The following ABCC1 variants were observed in gnomAD, a reference collection of about 807,000 sequenced individuals.
ABCC1 encodes the protein ATP binding cassette subfamily C member 1 (ABCC1 blood group).
In ABCC1, 83 loss-of-function variants were observed where a neutral mutation model predicts 172.9. The ratio of observed to expected loss-of-function variants is 0.48; its 90% CI spans 0.40 to 0.58. ABCC1 has a LOEUF of 0.58. Among genes scored for constraint, ABCC1 ranks in the 20% least tolerant of loss-of-function variants. The probability of loss-of-function intolerance (pLI) is 0.00; values close to 1 mark genes in which losing one functional copy is unlikely to be tolerated. For missense variants in ABCC1, 1,817 were observed against 2,002.7 expected, an observed-to-expected ratio of 0.91 and a Z score of 1.77; for synonymous variants, 937 against 825.2, an observed-to-expected ratio of 1.14 and a Z score of -2.32.
rs367865188 is a variant in ABCC1 at position 16,114,833 on chromosome 16, C to T, written c.3147C>T (p.His1049=). ...IGGILASRCL[H]VDLLHSILRS... ...GGATCTTGGCTTCCCGCTGTCTGCA[C>T]GTGGACCTGCTGCACAGCATCCTGC... The change falls in exon 23 of 31, where the codon CAC becomes CAT. Residue 1049 remains histidine (H), a synonymous_variant. Coordinates refer to ENST00000399410, the MANE Select transcript of ABCC1 (RefSeq NM_004996.4). The T allele has an allele frequency of 2.4e-5, 38 of 1,612,748 alleles. No individual in the cohort carries two copies. In the African/African-American group the frequency reaches 2.7e-4, roughly 11 times the overall value.
At chr16:15,994,308 T>C (rs2046976767) in intron 1 of ABCC1, among the ~76,000 whole-genome samples, 1 of 152,164 alleles carries the variant, frequency 6.6e-6, no homozygotes, top group South Asian at 2.1e-4. Context: ...TGTCAGACTC[T>C]CAGTGGGTTC....
chr16:16,106,552 T>G (rs2052119669), intron 20 of ABCC1, 186 bp from the exon 21 acceptor site: 1 of 624,394 alleles, frequency 1.6e-6, no homozygotes, highest in Non-Finnish European at 2.6e-6. Context: ...TGGGTACCTA[T>G]AAACCTGGAG....
intron 2 of ABCC1, among the ~76,000 whole-genome samples, chr16:16,009,145 G>C (rs1056782150): frequency 1.3e-5 from 2 of 151,828 alleles, no homozygotes; most frequent in Non-Finnish European, 2.9e-5. Flanking sequence ...TTTTTGTAGA[G>C]ACAGGGTCTC....
At chr16:16,051,108 A>G (rs916697556) in intron 10 of ABCC1, among the ~76,000 whole-genome samples, 20 of 151,400 alleles carry the variant, frequency 1.3e-4, no homozygotes, top group African/African-American at 4.8e-4. Flanking sequence ...AGCACTGTTG[A>G]CACTTGGGGC....
intron 22 of ABCC1, among the ~76,000 whole-genome samples, chr16:16,114,364 G>C (rs1386176905): frequency 6.6e-6 from 1 of 151,076 alleles, no homozygotes; most frequent in Non-Finnish European, 1.5e-5. Flanking sequence ...TTTTGAGACG[G>C]AGTCTCATTC....
chr16:16,133,174 CT>C (rs1284393179), intron 27 of ABCC1, among the ~76,000 whole-genome samples: 2 of 152,164 alleles, frequency 1.3e-5, no homozygotes, highest in Non-Finnish European at 2.9e-5. Context: ...GAGTGATACC[CT>C]TAGACTTTCC....
At chr16:16,082,402 G>A (rs571932066) in intron 16 of ABCC1, among the ~76,000 whole-genome samples, 1 of 152,246 alleles carries the variant, frequency 6.6e-6, no homozygotes, top group South Asian at 2.1e-4. Context: ...TAGCAACATG[G>A]CAAGATTTTG....
chr16:15,969,081 A>G (rs6498591), intron 1 of ABCC1, among the ~76,000 whole-genome samples: 8,002 of 152,022 alleles, frequency 0.053, 708 homozygotes, highest in African/African-American at 0.18. Flanking sequence ...GCGCTTGCCT[A>G]TAATCCCAGC....
At chr16:16,084,703 C>T (rs2050942463) in intron 17 of ABCC1, among the ~76,000 whole-genome samples, 1 of 150,862 alleles carries the variant, frequency 6.6e-6, no homozygotes, top group Non-Finnish European at 1.5e-5. Flanking sequence ...TTGGTTCAAC[C>T]TCTGCCTCCT....
At chr16:16,022,958 C>G (rs2048244088) in intron 5 of ABCC1, among the ~76,000 whole-genome samples, 1 of 152,172 alleles carries the variant, frequency 6.6e-6, no homozygotes, top group Admixed American at 6.5e-5. Flanking sequence ...GTCTCGCAGA[C>G]TAGAGTGCAG....
At chr16:15,958,346 A>G (rs1200468711) in intron 1 of ABCC1, among the ~76,000 whole-genome samples, 2 of 151,276 alleles carry the variant, frequency 1.3e-5, no homozygotes. Flanking sequence ...ACTCAAGTGG[A>G]TCACTTGAGT....
chr16:16,003,853 G>A (rs1359231199), intron 1 of ABCC1, among the ~76,000 whole-genome samples: 1 of 140,190 alleles, frequency 7.1e-6, no homozygotes, highest in Non-Finnish European at 1.5e-5. Context: ...TGGGTGAATT[G>A]GTGAATGGGT....
chr16:16,045,736 C>T, intron 8 of ABCC1, 100 bp from the exon 9 acceptor site: 2 of 1,164,528 alleles, frequency 1.7e-6, no homozygotes, highest in South Asian at 1.5e-5. Context: ...GTGTCTAGCT[C>T]ATCTGGCTCA....
chr16:16,081,916 G>A (rs1031514407), intron 16 of ABCC1, among the ~76,000 whole-genome samples: 42 of 152,126 alleles, frequency 2.8e-4, no homozygotes, highest in African/African-American at 8.7e-4. Context: ...CTACTCAGGA[G>A]GCTGAGGAAG....
At chr16:16,056,005 A>G (rs2151914246) in intron 11 of ABCC1, 87 bp from the exon 12 acceptor site, 1 of 1,185,518 alleles carries the variant, frequency 8.4e-7, no homozygotes, top group Middle Eastern at 2.0e-4. Flanking sequence ...TATATAATAA[A>G]GTTTATGAGA....
At chr16:16,126,367 TTC>T (rs1372922298) in intron 26 of ABCC1, among the ~76,000 whole-genome samples, 2 of 152,108 alleles carry the variant, frequency 1.3e-5, no homozygotes, top group Non-Finnish European at 2.9e-5. Flanking sequence ...AGAAATAACC[TTC>T]TGTTATTTGT....
chr16:16,139,279 A>C (rs1321986368), intron 30 of ABCC1, among the ~76,000 whole-genome samples: 1 of 152,012 alleles, frequency 6.6e-6, no homozygotes, highest in African/African-American at 2.4e-5. Flanking sequence ...CTGCAGGCCC[A>C]GTGCGTGGGG....
chr16:16,079,388 C>T lies in ABCC1; in HGVS notation c.2025C>T (p.Ala675=), dbSNP rs367901301. 25 of 1,613,754 alleles carry T rather than the reference C, an allele frequency of 1.5e-5. No individual in the cohort carries two copies. The highest frequency in any genetic ancestry group is 1.2e-4 in the South Asian group (11 of 91,066). ...TFSIPEGALV[A]VVGQVGCGKS... is the part of the protein sequence containing the mutation. ...CCATCCCCGAAGGTGCTTTGGTGGC[C>T]GTGGTGGGCCAGGTGGGCTGCGGAA... Residue 675 remains alanine, a synonymous_variant, in exon 16 of 31, where the codon GCC becomes GCT. Transcript: ENST00000399410.
intron 14 of ABCC1, among the ~76,000 whole-genome samples, chr16:16,075,541 G>A (rs1456432698): frequency 6.6e-6 from 1 of 152,120 alleles, no homozygotes; most frequent in Non-Finnish European, 1.5e-5. Flanking sequence ...TGAAGTGGGA[G>A]AATCGCCTGC....
Sources: gnomAD v4.1 joint callset for allele counts (sites outside exome capture counted in the v4.1 genomes callset) on GRCh38, gnomAD v4.1.1 for gene constraint, MANE v1.5 for transcripts, NCBI Gene and HGNC (gene_info 2026-07-23, HGNC 2026-07-21) for gene names.